Variants in LRRC19 observed in about 807,000 individuals in gnomAD.
LRRC19 encodes leucine rich repeat containing 19, also known as leucine-rich repeat-containing protein 19.
In LRRC19, 33 loss-of-function variants were observed where a neutral mutation model predicts 33.3. The observed-to-expected ratio is 0.99, with a 90% CI of 0.75 to 1.33. The LOEUF is 1.33. Ranked by LOEUF, LRRC19 falls within the 40% of genes most tolerant of loss-of-function variation. LRRC19 has a pLI of 0.00. For missense variants in LRRC19, 463 were observed against 417.3 expected (o/e 1.11, Z -0.95); for synonymous variants, 184 against 152.3 (o/e 1.21, Z -1.53).
intron 1 of LRRC19, among the ~76,000 whole-genome samples, chr9:27,001,061 T>C (rs1828457941): frequency 6.6e-6 from 1 of 152,200 alleles, no homozygotes; most frequent in African/African-American, 2.4e-5. Flanking sequence ...GTGATATTTG[T>C]CTTTCTGTGC....
Position 26,995,594 on chromosome 9 carries a change from G to C in LRRC19, c.1040C>G (p.Ser347Ter), listed in dbSNP as rs928679971. 6 of 1,604,190 alleles carry C rather than the reference G, an allele frequency of 3.7e-6. No homozygotes were observed. The Admixed American group carries it at 6.7e-5, about 18-fold the overall frequency. ...ETTVIFEQLH[S>*]FVVDDDGFIE... ...AAATCCATCATCATCTACCACAAAT[G>C]AATGTAATTGTTCAAATATTACTGT... The change falls in exon 5 of 5, where the codon TCA becomes TGA. Residue 347 changes from serine (S) to a stop codon, truncating the protein, a stop_gained. Transcript: ENST00000380055. LOFTEE classifies it high-confidence loss of function.
intron 3 of LRRC19, among the ~76,000 whole-genome samples, chr9:26,997,330 CTTTTTTTTTT>C (rs773530183): frequency 2.4e-5 from 3 of 123,604 alleles, no homozygotes; most frequent in Non-Finnish European, 5.0e-5. Context: ...GTTTCCTTTC[CTTTTTTTTTT>C]TTTTTTTTTT....
Position 26,993,622 on chromosome 9 carries a change from T to G in LRRC19, c.*1899A>C, listed in dbSNP as rs183221731. On this transcript the variant is annotated 3_prime_UTR_variant, in exon 5 of 5. Coordinates refer to ENST00000380055, the MANE Select transcript of LRRC19 (RefSeq NM_022901.3). ...AGATCTATTTTATTTTAGCCTCTTT[T>G]TTCTAAGGAATTGTCAAGTACATAC... 6.6e-6 allele frequency: 1 copy of G among 152,424 alleles called. No homozygotes were observed. The highest frequency in any genetic ancestry group is 1.5e-5 in the Non-Finnish European group (1 of 68,026). 9.4% of individuals were successfully genotyped at this position (152,424 alleles called of 1,614,324 possible).
chr9:26,995,327 C>T lies in LRRC19; in HGVS notation c.*194G>A, dbSNP rs1300460311. The T allele has an allele frequency of 1.4e-5, 7 of 494,656 alleles. No homozygotes were observed. Among genetic ancestry groups the T allele is most frequent in the African/African-American group, 1.9e-5 (1 of 52,014 alleles). 30.6% of individuals were successfully genotyped at this position (494,656 alleles called of 1,614,324 possible). On this transcript the variant is annotated 3_prime_UTR_variant, in exon 5 of 5. Coordinates refer to ENST00000380055, the MANE Select transcript of LRRC19 (RefSeq NM_022901.3). ...TGTAGACTATGTAACTGTCAACTAC[C>T]GAGGAGTGTCAGTTACTGTATTTGA...
At position 26,994,490 on chromosome 9, in the gene LRRC19, C is replaced by T. The variant is rs951739904; in HGVS notation, c.*1031G>A. 1.3e-5 allele frequency: 2 copies of T among 148,248 alleles called. No individual in the cohort carries two copies. Among genetic ancestry groups the T allele is most frequent in the African/African-American group, 5.0e-5 (2 of 39,926 alleles). The allele number at this position is 148,248 out of a possible 1,614,324, so 9.2% of individuals were successfully genotyped here. On this transcript the variant is annotated 3_prime_UTR_variant, in exon 5 of 5. Coordinates refer to ENST00000380055, the MANE Select transcript of LRRC19 (RefSeq NM_022901.3). ...AGGCGGAGGTTGCAGTGATCTGAGA[C>T]TGCGCTGCTGCAGTCCAGCCTGGGA...
At position 26,995,679 on chromosome 9, in the gene LRRC19, C is replaced by A. The variant is rs374788976; in HGVS notation, c.955G>T (p.Gly319Cys). The change falls in exon 5 of 5, where the codon GGT becomes TGT. Residue 319 changes from glycine (G) to cysteine (C), a missense_variant. Gly to Cys is a radical substitution (Grantham distance 159, BLOSUM62 -3). Coordinates refer to ENST00000380055, the MANE Select transcript of LRRC19 (RefSeq NM_022901.3). Reference protein sequence around the residue: ...EEHEAETYEDGFTGNPSSLSQ... With the variant: ...EEHEAETYEDCFTGNPSSLSQ... ...AGAGAGCTTGGATTTCCAGTAAAAC[C>A]ATCTTCATAGGTTTCTGCTTCATGC... The A allele has an allele frequency of 6.2e-7, 1 of 1,613,784 alleles. No homozygotes were observed. The highest frequency in any genetic ancestry group is 1.1e-5 in the South Asian group (1 of 91,074).
At chr9:27,003,290 A>G (rs1284939895) in intron 1 of LRRC19, among the ~76,000 whole-genome samples, 1 of 152,084 alleles carries the variant, frequency 6.6e-6, no homozygotes, top group African/African-American at 2.4e-5. Flanking sequence ...TGGGAGGCCG[A>G]GGCGGGCAGA....
intron 1 of LRRC19, 48 bp from the exon 2 acceptor site, chr9:26,999,751 T>G (rs2131579763): frequency 2.4e-6 from 2 of 819,532 alleles, no homozygotes; most frequent in Non-Finnish European, 1.9e-6. Context: ...TATTTTTCCC[T>G]CTTTTGAATC....
chr9:26,995,840 G>A lies in LRRC19; in HGVS notation c.794C>T (p.Pro265Leu). 1 of 1,600,980 alleles carries A rather than the reference G, an allele frequency of 6.2e-7. No individual in the cohort carries two copies. Among genetic ancestry groups the A allele is most frequent in the Non-Finnish European group, 8.5e-7 (1 of 1,173,576 alleles). ...NNLTRNSEHE[P>L]LGKSWAFLVG... ...AAGAAAAGCCCAACTTTTTCCAAGA[G>A]GTTCATGTTCTTTAATGGAATACCA... Residue 265 changes from proline (P) to leucine (L), a missense_variant, in exon 5 of 5, where the codon CCT (proline) becomes CTT (leucine). Physicochemically the swap from Pro to Leu is moderately conservative, Grantham distance 98. Transcript: ENST00000380055.
rs1340259442 is a variant in LRRC19, at chr9:26,994,359, A to C, written c.*1162T>G. The C allele has an allele frequency of 6.6e-6, 1 of 152,082 alleles. No homozygotes were observed. Among genetic ancestry groups the C allele is most frequent in the African/African-American group, 2.4e-5 (1 of 41,378 alleles). 9.4% of individuals were successfully genotyped at this position (152,082 alleles called of 1,614,324 possible). ...CGAGACCAGCCTGGCCAACATGGTGAAACCCTGTCTCTACTAAAAATACAG... is the reference window on the plus strand; with the variant it reads ...CGAGACCAGCCTGGCCAACATGGTGCAACCCTGTCTCTACTAAAAATACAG... On this transcript the variant is annotated 3_prime_UTR_variant, in exon 5 of 5. Coordinates refer to ENST00000380055, the MANE Select transcript of LRRC19 (RefSeq NM_022901.3).
At chr9:26,997,427 A>T (rs1479906705) in intron 3 of LRRC19, among the ~76,000 whole-genome samples, 1 of 140,652 alleles carries the variant, frequency 7.1e-6, no homozygotes, top group African/African-American at 2.7e-5. Flanking sequence ...TCTGCCTCCC[A>T]GGTTCAAGCA....
chr9:27,001,120 C>T (rs900331658), intron 1 of LRRC19, among the ~76,000 whole-genome samples: 3 of 151,890 alleles, frequency 2.0e-5, no homozygotes, highest in Non-Finnish European at 2.9e-5. Flanking sequence ...TTTTTGTTGC[C>T]GCAAATGACA....
intron 1 of LRRC19, among the ~76,000 whole-genome samples, chr9:27,001,481 C>G (rs1372585646): frequency 6.6e-6 from 1 of 152,130 alleles, no homozygotes; most frequent in Non-Finnish European, 1.5e-5. Context: ...TATTGCCTGT[C>G]ATATTGATAG....
Position 26,996,300 on chromosome 9 carries a change from C to A in LRRC19, c.784+11G>T. ...ATTCAGCAGTGTTAATATATAGAAC[C>A]AGTATATTACCTGAATTTCTTGTTA... On this transcript the variant is annotated intron_variant, in intron 4 of 4. Transcript: ENST00000380055. 1 of 1,498,336 alleles carries A rather than the reference C, an allele frequency of 6.7e-7. No homozygotes were observed. Among genetic ancestry groups the A allele is most frequent in the South Asian group, 1.2e-5 (1 of 80,632 alleles). The allele number at this position is 1,498,336 out of a possible 1,614,324, so 92.8% of individuals were successfully genotyped here. A position where few individuals can be genotyped will look rare whatever the true frequency, so the allele number is the denominator to read the frequency against.
At chr9:26,996,640 A>G (rs963758187) in intron 3 of LRRC19, 141 bp from the exon 4 acceptor site, 2 of 489,172 alleles carry the variant, frequency 4.1e-6, no homozygotes, top group East Asian at 3.4e-5. Context: ...TTGTCTAGCA[A>G]CATAATGAAA....
rs770743381 is a variant in LRRC19, at chr9:26,995,441, G to A, written c.*80C>T. 3 of 778,336 alleles carry A rather than the reference G, an allele frequency of 3.9e-6. No individual in the cohort carries two copies. Among genetic ancestry groups the A allele is most frequent in the Non-Finnish European group, 6.1e-6 (3 of 490,714 alleles). The allele number at this position is 778,336 out of a possible 1,614,324, so 48.2% of individuals were successfully genotyped here. A position where few individuals can be genotyped will look rare whatever the true frequency, so the allele number is the denominator to read the frequency against. ...TATGAATGCCTGCCAGCTGTATTTT[G>A]TTATGTCACATAGCAAAATCTCCAT... On this transcript the variant is annotated 3_prime_UTR_variant, in exon 5 of 5. Transcript: ENST00000380055.
chr9:26,999,360 A>G (rs1828351166), intron 2 of LRRC19, among the ~76,000 whole-genome samples: 1 of 152,128 alleles, frequency 6.6e-6, no homozygotes, highest in African/African-American at 2.4e-5. Flanking sequence ...ACAAGATTTT[A>G]CTCTTAAAAC....
intron 3 of LRRC19, among the ~76,000 whole-genome samples, chr9:26,996,863 A>G (rs1427982312): frequency 6.6e-6 from 1 of 152,132 alleles, no homozygotes; most frequent in Admixed American, 6.6e-5. Context: ...AGTCTGACAT[A>G]TTGACTTTGC....
At chr9:27,003,549 A>G (rs961927130) in intron 1 of LRRC19, among the ~76,000 whole-genome samples, 7 of 152,078 alleles carry the variant, frequency 4.6e-5, no homozygotes, top group African/African-American at 1.7e-4. Flanking sequence ...AACTAATCAG[A>G]GTAGGCAAGA....
Sources: allele counts gnomAD v4.1 joint callset (sites outside exome capture counted in the v4.1 genomes callset), GRCh38; gene constraint gnomAD v4.1.1; transcripts MANE v1.5; gene names NCBI Gene and HGNC (gene_info 2026-07-23, HGNC 2026-07-21).